PLPPR5: variants seen among roughly 807,000 people sequenced by gnomAD.
The protein encoded by PLPPR5 is phospholipid phosphatase-related protein type 5.
Under a neutral mutation model 33.9 loss-of-function variants are expected in PLPPR5, and 16 were observed. That is an observed-to-expected ratio of 0.47 (90% confidence interval 0.32 to 0.72). The LOEUF is 0.72. Among genes scored for constraint, PLPPR5 ranks in the 30% least tolerant of loss-of-function variants. The probability of loss-of-function intolerance (pLI) is 0.03; values close to 1 mark genes in which losing one functional copy is unlikely to be tolerated. For synonymous variants in PLPPR5, 163 were observed against 150.3 expected, an observed-to-expected ratio of 1.08 and a Z score of -0.62; for missense variants, 301 against 406.7, an observed-to-expected ratio of 0.74 and a Z score of 2.23.
At chr1:98,947,052 T>C (rs1167174033) in intron 3 of PLPPR5, among the ~76,000 whole-genome samples, 8 of 152,150 alleles carry the variant, frequency 5.3e-5, no homozygotes, top group Non-Finnish European at 1.0e-4. Flanking sequence ...TCCTCTTTTC[T>C]TAATTAGAAT....
intron 3 of PLPPR5, among the ~76,000 whole-genome samples, chr1:98,942,957 T>A (rs12062529): frequency 0.19 from 28,624 of 152,002 alleles, 2,939 homozygotes; most frequent in Non-Finnish European, 0.22. Flanking sequence ...GATTACAGCA[T>A]CCCTGAAGAA....
At position 98,893,014 on chromosome 1, in the gene PLPPR5, T is replaced by G. The variant is rs368883860; in HGVS notation, c.*58A>C. ...GCAATCAAACAAACTTTGGGTGTTATGAATGGATGGTAAAAAGGGATGATG... is the reference window on the plus strand; with the variant it reads ...GCAATCAAACAAACTTTGGGTGTTAGGAATGGATGGTAAAAAGGGATGATG... On this transcript the variant is annotated 3_prime_UTR_variant, in exon 6 of 6. Coordinates refer to ENST00000263177, the MANE Select transcript of PLPPR5 (RefSeq NM_001037317.2). 55 of 1,548,468 alleles carry G rather than the reference T, an allele frequency of 3.6e-5. No homozygotes were observed. Among genetic ancestry groups the G allele is most frequent in the Non-Finnish European group, 4.8e-5 (54 of 1,127,040 alleles).
In PLPPR5 at chr1:98,914,817, T is replaced by C. The variant is rs566350611; in HGVS notation, c.902A>G (p.Glu301Gly). The stretch of plus-strand genomic sequence containing the variant: ...AGATGTTACCTTTTCCAAAGGACTT[T>C]CTACTCGAGGAATGCTGATCATTGG... ...QMPMISIPRVESPLEKVTSVQ... is the reference protein window; with the variant it reads ...QMPMISIPRVGSPLEKVTSVQ... Residue 301 changes from glutamate to glycine, a missense_variant, in exon 5 of 6, where the codon GAA becomes GGA. By Grantham distance (98) the Glu-to-Gly change is moderately conservative. Coordinates refer to ENST00000263177, the MANE Select transcript of PLPPR5 (RefSeq NM_001037317.2). 3.1e-6 allele frequency: 5 copies of C among 1,613,338 alleles called. No individual in the cohort carries two copies. The East Asian group carries it at 6.7e-5, about 22-fold the overall frequency.
At chr1:98,901,252 G>A (rs910786535) in intron 5 of PLPPR5, among the ~76,000 whole-genome samples, 2 of 152,086 alleles carry the variant, frequency 1.3e-5, no homozygotes, top group African/African-American at 2.4e-5. Flanking sequence ...ATGGCAAAAC[G>A]CGAGGAACCA....
At chr1:98,899,054 T>G (rs956313996) in intron 5 of PLPPR5, among the ~76,000 whole-genome samples, 1 of 152,152 alleles carries the variant, frequency 6.6e-6, no homozygotes. Context: ...TGTGGCTTCA[T>G]GCTGGAATCA....
chr1:98,897,999 T>G (rs1029485480), intron 5 of PLPPR5, among the ~76,000 whole-genome samples: 2 of 152,140 alleles, frequency 1.3e-5, no homozygotes, highest in African/African-American at 4.8e-5. Context: ...AGTAATTGGT[T>G]AGAATTTTAC....
chr1:98,968,452 T>C (rs1307404634), intron 1 of PLPPR5, among the ~76,000 whole-genome samples: 2 of 152,086 alleles, frequency 1.3e-5, no homozygotes, highest in Non-Finnish European at 2.9e-5. Context: ...AAATACTCTC[T>C]GGGACTTAAA....
At chr1:98,895,379 G>C (rs909967619) in intron 5 of PLPPR5, among the ~76,000 whole-genome samples, 2 of 151,852 alleles carry the variant, frequency 1.3e-5, no homozygotes, top group Non-Finnish European at 2.9e-5. Flanking sequence ...ATAAATTTCT[G>C]CTCCTCATAA....
At chr1:98,951,108 T>C (rs1249085679) in intron 3 of PLPPR5, among the ~76,000 whole-genome samples, 1 of 152,228 alleles carries the variant, frequency 6.6e-6, no homozygotes, top group Non-Finnish European at 1.5e-5. Context: ...CGTATTTATA[T>C]GCAGATATAT....
At chr1:98,894,877 C>A (rs2101129607) in intron 5 of PLPPR5, among the ~76,000 whole-genome samples, 1 of 152,086 alleles carries the variant, frequency 6.6e-6, no homozygotes, top group Non-Finnish European at 1.5e-5. Flanking sequence ...CAATGCAGAG[C>A]TTGACAGAAA....
chr1:98,904,101 G>A (rs1301997431), intron 5 of PLPPR5, among the ~76,000 whole-genome samples: 1 of 151,940 alleles, frequency 6.6e-6, no homozygotes, highest in African/African-American at 2.4e-5. Context: ...CTAGATTTTG[G>A]AGCTATCGTC....
At chr1:98,963,430 C>G (rs1570737950) in intron 1 of PLPPR5, among the ~76,000 whole-genome samples, 1 of 152,170 alleles carries the variant, frequency 6.6e-6, no homozygotes, top group Admixed American at 6.5e-5. Context: ...ACTATTATAG[C>G]ACAGTGACTG....
intron 3 of PLPPR5, among the ~76,000 whole-genome samples, chr1:98,941,990 G>GTA (rs59224131): frequency 0.011 from 1,585 of 146,884 alleles, 30 homozygotes; most frequent in African/African-American, 0.03. Context: ...ATATGTATAC[G>GTA]TATATATATA....
At chr1:98,953,371 G>GTGTC in intron 2 of PLPPR5, 51 bp from the exon 3 acceptor site, 1 of 1,510,392 alleles carries the variant, frequency 6.6e-7, no homozygotes, top group Non-Finnish European at 8.8e-7. Flanking sequence ...GTGTGTGTGT[G>GTGTC]TGTGTGTGTG....
At chr1:98,961,343 C>T (rs372345881) in intron 1 of PLPPR5, among the ~76,000 whole-genome samples, 54 of 152,274 alleles carry the variant, frequency 3.5e-4, no homozygotes, top group African/African-American at 1.2e-3. Flanking sequence ...CCAACTAGAA[C>T]GCATTTGGAG....
chr1:99,003,006 A>C (rs2100771418), intron 1 of PLPPR5, among the ~76,000 whole-genome samples: 1 of 147,006 alleles, frequency 6.8e-6, no homozygotes, highest in African/African-American at 2.5e-5. Flanking sequence ...GAGAACACAA[A>C]CATGAAGGCT....
intron 3 of PLPPR5, among the ~76,000 whole-genome samples, chr1:98,940,945 C>T (rs1471984015): frequency 6.6e-6 from 1 of 151,802 alleles, no homozygotes; most frequent in East Asian, 1.9e-4. Context: ...TGGCTGGGAG[C>T]AGTGGCAAGA....
intron 1 of PLPPR5, among the ~76,000 whole-genome samples, chr1:98,995,380 G>A (rs1272273975): frequency 2.0e-5 from 3 of 152,076 alleles, no homozygotes; most frequent in Non-Finnish European, 4.4e-5. Context: ...TTACCTGGGT[G>A]ATGAAATAAT....
At chr1:98,952,980 A>G in intron 3 of PLPPR5, 90 bp downstream of exon 3, 8 of 1,470,314 alleles carry the variant, frequency 5.4e-6, no homozygotes, top group Non-Finnish European at 7.4e-6. Context: ...GCTTTAAGTG[A>G]CTTTCATTAT....
Sources: allele counts gnomAD v4.1 joint callset (sites outside exome capture counted in the v4.1 genomes callset), GRCh38; gene constraint gnomAD v4.1.1; transcripts MANE v1.5; gene names NCBI Gene and HGNC (gene_info 2026-07-23, HGNC 2026-07-21).